SAMD4A: variants seen among roughly 807,000 people sequenced by gnomAD.
SAMD4A encodes the protein protein Smaug homolog 1.
In SAMD4A, 33 loss-of-function variants were observed where a neutral mutation model predicts 81.3. The ratio of observed to expected loss-of-function variants is 0.41; its 90% confidence interval spans 0.31 to 0.54. The LOEUF (loss-of-function observed/expected upper bound fraction) is 0.54. Ranked by LOEUF, SAMD4A falls within the 20% of genes least tolerant of loss-of-function variation. The pLI, the probability that SAMD4A is intolerant of heterozygous loss-of-function variation, is 0.37. For synonymous variants in SAMD4A, 389 were observed against 382.1 expected (o/e 1.02, Z -0.21); for missense variants, 854 against 951.1 (o/e 0.90, Z 1.34).
chr14:54,597,584 CTTTTTTTTTTT>C (rs71127662), intron 2 of SAMD4A, among the ~76,000 whole-genome samples: 4 of 90,876 alleles, frequency 4.4e-5, no homozygotes. Flanking sequence ...TTCCTTCTAT[CTTTTTTTTTTT>C]TTTTTTTTTT....
chr14:54,770,600 T>A (rs2038677396), intron 9 of SAMD4A, among the ~76,000 whole-genome samples: 1 of 151,202 alleles, frequency 6.6e-6, no homozygotes, highest in Admixed American at 6.6e-5. Context: ...GCACCTTAAG[T>A]GGTAGTGTGA....
chr14:54,678,606 C>T lies in SAMD4A; in HGVS notation c.197-23456C>T, dbSNP rs188256112. ...CTCTTTCGCCCAGGCCGGAGTGCAGCGGCGCGATCACGGCTCACTGCAAGC... is the reference window on the plus strand; with the variant it reads ...CTCTTTCGCCCAGGCCGGAGTGCAGTGGCGCGATCACGGCTCACTGCAAGC... On this transcript the variant is annotated intron_variant, in intron 2 of 12. Coordinates refer to ENST00000554335, the MANE Select transcript of SAMD4A (RefSeq NM_015589.6). Among the ~76,000 whole-genome samples the T allele has an allele frequency of 2.8e-3, 422 of 149,448 alleles. 4 individuals are homozygous for T. The highest frequency in any genetic ancestry group is 4.6e-3 in the Non-Finnish European group (311 of 67,422).
chr14:54,734,889 G>C (rs2037652726), intron 3 of SAMD4A: 1 of 152,240 alleles, frequency 6.6e-6, no homozygotes, highest in African/African-American at 2.4e-5. Context: ...GAGTCCCACT[G>C]TCTCTGAGCT....
At chr14:54,627,307 G>A (rs979626774) in intron 2 of SAMD4A, among the ~76,000 whole-genome samples, 1 of 152,128 alleles carries the variant, frequency 6.6e-6, no homozygotes, top group African/African-American at 2.4e-5. Context: ...CCCCTAAGAT[G>A]TGAGTCCTAA....
At chr14:54,757,383 T>TTGTGTGTGTGTGTGTG (rs3051653) in intron 6 of SAMD4A, among the ~76,000 whole-genome samples, 49 of 140,154 alleles carry the variant, frequency 3.5e-4, no homozygotes, top group African/African-American at 9.5e-4. Flanking sequence ...GTTTCTTTAT[T>TTGTGTGTGTGTGTGTG]TGTGTGTGTG....
At chr14:54,678,628 A>G (rs1426458163) in intron 2 of SAMD4A, among the ~76,000 whole-genome samples, 2 of 144,534 alleles carry the variant, frequency 1.4e-5, no homozygotes, top group African/African-American at 5.6e-5. Flanking sequence ...GGCTCACTGC[A>G]AGCTCCGCCT....
chr14:54,715,799 G>A (rs922078909), intron 3 of SAMD4A, among the ~76,000 whole-genome samples: 10 of 152,088 alleles, frequency 6.6e-5, no homozygotes, highest in South Asian at 4.2e-4. Flanking sequence ...ATTTAGAAAC[G>A]TATTAGAGTT....
chr14:54,791,955 T>A lies in SAMD4A; in HGVS notation c.*3011T>A, dbSNP rs1445591035. 6.6e-6 allele frequency: 1 copy of A among 152,188 alleles called. No individual in the cohort carries two copies. Among genetic ancestry groups the A allele is most frequent in the Non-Finnish European group, 1.5e-5 (1 of 68,030 alleles). The allele number at this position is 152,188 out of a possible 1,614,324, so 9.4% of individuals were successfully genotyped here. On this transcript the variant is annotated 3_prime_UTR_variant, in exon 13 of 13. Coordinates refer to ENST00000554335, the MANE Select transcript of SAMD4A (RefSeq NM_015589.6). Reference sequence around the variant, plus strand: ...GAGTAAAATCTATTTCACTACATGCTTTTCCCCCCTTGTTCTGATTTAAGC... The same window carrying A: ...GAGTAAAATCTATTTCACTACATGCATTTCCCCCCTTGTTCTGATTTAAGC...
chr14:54,611,361 CA>C (rs2034350302), intron 2 of SAMD4A, among the ~76,000 whole-genome samples: 1 of 152,162 alleles, frequency 6.6e-6, no homozygotes, highest in African/African-American at 2.4e-5. Context: ...CTCAGGACAC[CA>C]GTGGCCTTCC....
intron 8 of SAMD4A, among the ~76,000 whole-genome samples, chr14:54,768,969 G>C (rs776401536): frequency 1.3e-5 from 2 of 152,130 alleles, no homozygotes; most frequent in Non-Finnish European, 2.9e-5. Flanking sequence ...TAGTCATTTA[G>C]TCTGTTACTG....
intron 12 of SAMD4A, among the ~76,000 whole-genome samples, chr14:54,787,532 C>T (rs2039171389): frequency 6.6e-6 from 1 of 152,168 alleles, no homozygotes. Flanking sequence ...TTCTCACACC[C>T]AAGTTCTGCC....
intron 2 of SAMD4A, among the ~76,000 whole-genome samples, chr14:54,611,380 C>T (rs975136926): frequency 1.3e-5 from 2 of 152,158 alleles, no homozygotes. Flanking sequence ...TCCGAGTGGG[C>T]AGAAATTCCT....
chr14:54,757,592 G>A (rs2038280560), intron 6 of SAMD4A, among the ~76,000 whole-genome samples: 1 of 152,172 alleles, frequency 6.6e-6, no homozygotes, highest in African/African-American at 2.4e-5. Flanking sequence ...GCAGGCAGGG[G>A]TTTGGTGCAG....
chr14:54,613,457 A>G (rs2034414912), intron 2 of SAMD4A, among the ~76,000 whole-genome samples: 1 of 152,210 alleles, frequency 6.6e-6, no homozygotes. Context: ...TGTAATAAAA[A>G]TATCTTTACA....
chr14:54,709,278 AAAACAAAC>A (rs200245981), intron 3 of SAMD4A, among the ~76,000 whole-genome samples: 1 of 148,708 alleles, frequency 6.7e-6, no homozygotes, highest in Non-Finnish European at 1.5e-5. Context: ...CTCTGTCTCA[AAAACAAAC>A]AAACAAACAA....
chr14:54,694,687 G>A, intron 2 of SAMD4A: 5 of 985,432 alleles, frequency 5.1e-6, no homozygotes, highest in Non-Finnish European at 6.0e-6. Flanking sequence ...GTGCCCTCTG[G>A]GAATGGCCAG....
chr14:54,576,912 T>G (rs1162727219), intron 2 of SAMD4A, among the ~76,000 whole-genome samples: 1 of 152,154 alleles, frequency 6.6e-6, no homozygotes, highest in Admixed American at 6.5e-5. Context: ...CTAGTGTCGA[T>G]GGAATGTGAC....
At chr14:54,634,937 C>G (rs1414776749) in intron 2 of SAMD4A, among the ~76,000 whole-genome samples, 1 of 152,086 alleles carries the variant, frequency 6.6e-6, no homozygotes, top group Non-Finnish European at 1.5e-5. Flanking sequence ...AACCATGAGC[C>G]AAGAACTAAA....
At chr14:54,623,191 T>C (rs1022242598) in intron 2 of SAMD4A, among the ~76,000 whole-genome samples, 2 of 152,176 alleles carry the variant, frequency 1.3e-5, no homozygotes, top group Non-Finnish European at 2.9e-5. Context: ...CCTGATGGCC[T>C]TGCTGCTTTG....
Sources: allele counts gnomAD v4.1 joint callset (sites outside exome capture counted in the v4.1 genomes callset), GRCh38; gene constraint gnomAD v4.1.1; transcripts MANE v1.5; gene names NCBI Gene and HGNC (gene_info 2026-07-23, HGNC 2026-07-21).